Variants in HTRA3 observed in about 807,000 individuals in gnomAD.
The protein encoded by HTRA3 is HtrA serine peptidase 3.
Under a neutral mutation model 43.2 loss-of-function variants are expected in HTRA3, and 41 were observed. The observed-to-expected ratio is 0.95, with a 90% CI of 0.74 to 1.23. HTRA3 has a LOEUF of 1.23. Among genes scored for constraint, HTRA3 ranks in the 50% most tolerant of loss-of-function variants. The pLI, the probability that HTRA3 is intolerant of heterozygous loss-of-function variation, is 0.00. For synonymous variants in HTRA3, 295 were observed against 287.9 expected, an observed-to-expected ratio of 1.02 and a Z score of -0.25; for missense variants, 628 against 647.1, an observed-to-expected ratio of 0.97 and a Z score of 0.32.
rs1712662285 is a variant in HTRA3 at position 8,279,598 on chromosome 4, C to G, written c.386-2839C>G. On this transcript the variant is annotated intron_variant, in intron 1 of 8. Coordinates refer to ENST00000307358, the MANE Select transcript of HTRA3 (RefSeq NM_053044.5). This position sits in a 1 kb window ranked among gnomAD's most constrained non-coding sequence, Gnocchi z 7.4. Reference sequence around the variant, plus strand: ...TTTCCGGCCCTGGGTGTTGGAGTGTCTGAGTCCAGGATGGAGACACACAGG... The same window carrying G: ...TTTCCGGCCCTGGGTGTTGGAGTGTGTGAGTCCAGGATGGAGACACACAGG... Among the ~76,000 whole-genome samples the G allele has an allele frequency of 1.3e-5, 2 of 152,228 alleles. No individual in the cohort carries two copies. The highest frequency in any genetic ancestry group is 4.1e-4 in the South Asian group (2 of 4,820).
Position 8,294,088 on chromosome 4 carries a change from A to G in HTRA3, c.938A>G (p.Asp313Gly). The G allele has an allele frequency of 6.2e-7, 1 of 1,606,204 alleles. No homozygotes were observed. The highest frequency in any genetic ancestry group is 8.5e-7 in the Non-Finnish European group (1 of 1,175,938). ...GNSGGPLVNLDGEVIGINTLK... is the reference protein window; with the variant it reads ...GNSGGPLVNLGGEVIGINTLK... Reference sequence around the variant, plus strand: ...GCCTGCTCTTACCTCCCTGCCCAGGATGGCGAGGTCATTGGCATCAACACG... The same window carrying G: ...GCCTGCTCTTACCTCCCTGCCCAGGGTGGCGAGGTCATTGGCATCAACACG... Residue 313 changes from aspartate (D) to glycine (G), a missense_variant and splice_region_variant, in exon 6 of 9, where the codon GAT (aspartate) becomes GGT (glycine). Transcript: ENST00000307358.
In HTRA3 at chr4:8,279,931, T is replaced by A. The variant is rs1334539815; in HGVS notation, c.386-2506T>A. ...TGAACCACTGTGTCTCCAGCAGCTG[T>A]CACAGGTGGGCACACAGGAGGCACC... On this transcript the variant is annotated intron_variant, in intron 1 of 8. Coordinates refer to ENST00000307358, the MANE Select transcript of HTRA3 (RefSeq NM_053044.5). The surrounding 1 kb of genome is among the most constrained non-coding windows in gnomAD (Gnocchi z 7.4). 6.6e-6 allele frequency among the ~76,000 whole-genome samples: 1 copy of A among 152,146 alleles called. No homozygotes were observed. The highest frequency in any genetic ancestry group is 1.5e-5 in the Non-Finnish European group (1 of 68,024).
chr4:8,299,141 A>G (rs1713555748), intron 6 of HTRA3, among the ~76,000 whole-genome samples: 1 of 152,132 alleles, frequency 6.6e-6, no homozygotes, highest in African/African-American at 2.4e-5. Context: ...CCATTTATTT[A>G]TATCTTCTTT....
In HTRA3 at chr4:8,306,358, C is replaced by T; in HGVS notation, c.*222C>T. ...TGCCGGGGAGGGAAGCCCAACATCC[C>T]CTTGTACAGATGATCCTGAAAGTCA... is the stretch of plus-strand genomic sequence containing the variant. On this transcript the variant is annotated 3_prime_UTR_variant, in exon 9 of 9. Transcript: ENST00000307358. The surrounding 1 kb of genome is among the most constrained non-coding windows in gnomAD (Gnocchi z 8.9). The T allele has an allele frequency of 4.0e-6, 2 of 500,026 alleles. No individual in the cohort carries two copies. The highest frequency in any genetic ancestry group is 3.3e-5 in the East Asian group (1 of 30,104). 31.0% of individuals were successfully genotyped at this position (500,026 alleles called of 1,614,324 possible). A position where few individuals can be genotyped will look rare whatever the true frequency, so the allele number is the denominator to read the frequency against.
chr4:8,294,267 A>C, intron 6 of HTRA3, 66 bp downstream of exon 6: 3 of 1,199,340 alleles, frequency 2.5e-6, no homozygotes, highest in Non-Finnish European at 3.6e-6. Flanking sequence ...GCCCCTTAAC[A>C]CCCCAGCCCT....
Position 8,282,500 on chromosome 4 carries a change from T to C in HTRA3, c.449T>C (p.Ile150Thr). The C allele has an allele frequency of 6.2e-7, 1 of 1,614,104 alleles. No individual in the cohort carries two copies. The highest frequency in any genetic ancestry group is 8.5e-7 in the Non-Finnish European group (1 of 1,179,996). Residue 150 changes from isoleucine to threonine, a missense_variant, in exon 2 of 9, where the codon ATC becomes ACC. Transcript: ENST00000307358. ...TTCATTGCTGACGTGGTGGAGAAGATCGCACCAGCCGTGGTCCACATAGAG... is the reference window on the plus strand; with the variant it reads ...TTCATTGCTGACGTGGTGGAGAAGACCGCACCAGCCGTGGTCCACATAGAG... ...FNFIADVVEK[I>T]APAVVHIELF...
Position 8,282,502 on chromosome 4 carries a change from G to T in HTRA3, c.451G>T (p.Ala151Ser). 1 of 1,614,038 alleles carries T rather than the reference G, an allele frequency of 6.2e-7. No individual in the cohort carries two copies. Among genetic ancestry groups the T allele is most frequent in the Non-Finnish European group, 8.5e-7 (1 of 1,179,964 alleles). Residue 151 changes from alanine (A) to serine (S), a missense_variant, in exon 2 of 9, where the codon GCA becomes TCA. Physicochemically the swap from Ala to Ser is moderately conservative, Grantham distance 99. Coordinates refer to ENST00000307358, the MANE Select transcript of HTRA3 (RefSeq NM_053044.5). ...CATTGCTGACGTGGTGGAGAAGATC[G>T]CACCAGCCGTGGTCCACATAGAGCT... ...NFIADVVEKI[A>S]PAVVHIELFL...
chr4:8,271,439 C>T lies in HTRA3; in HGVS notation c.385+1086C>T, dbSNP rs571633209. 6.0e-4 allele frequency among the ~76,000 whole-genome samples: 91 copies of T among 152,166 alleles called. 1 individual carries two copies. The highest frequency in any genetic ancestry group is 1.1e-3 in the Non-Finnish European group (77 of 68,040). ...TCTTTTCTGGCAGAACACGTGACCT[C>T]CTCCCAGCACGCTGGGGTTCCTGGG... is the stretch of plus-strand genomic sequence containing the variant. On this transcript the variant is annotated intron_variant, in intron 1 of 8. Transcript: ENST00000307358.
Position 8,286,617 on chromosome 4 carries a change from C to A in HTRA3, c.542C>A (p.Ser181Ter). The A allele has an allele frequency of 6.2e-7, 1 of 1,614,198 alleles. No homozygotes were observed. Among genetic ancestry groups the A allele is most frequent in the Middle Eastern group, 1.7e-4 (1 of 6,058 alleles). The change falls in exon 3 of 9, where the codon TCA becomes TAA. Residue 181 changes from serine (S) to a stop codon, truncating the protein, a stop_gained. Transcript: ENST00000307358. LOFTEE classifies it high-confidence loss of function. This position sits in a 1 kb window ranked among gnomAD's most constrained non-coding sequence, Gnocchi z 4.9. The part of the protein sequence containing the change: ...PLSSGSGFIM[S>*]EAGLIITNAH... ...TCCAGCGGTTCTGGCTTCATCATGT[C>A]AGAGGCCGGCCTGATCATCACCAAT... is the stretch of plus-strand genomic sequence containing the variant.
rs1444784690 is a variant in HTRA3 at position 8,301,336 on chromosome 4, ACT to A, written c.1052-1123_1052-1122del. 4.2e-4 allele frequency among the ~76,000 whole-genome samples: 64 copies of A among 151,516 alleles called. 1 individual carries two copies. Among genetic ancestry groups the A allele is most frequent in the South Asian group, 2.5e-3 (12 of 4,806 alleles). On this transcript the variant is annotated intron_variant, in intron 6 of 8. Transcript: ENST00000307358. ...ACACTCATCTTTATTATTGAGTCACACTCTCAGCTTTATTATTGATTCACACT... is the reference window on the plus strand; with the variant it reads ...ACACTCATCTTTATTATTGAGTCACACTCAGCTTTATTATTGATTCACACT...
At position 8,279,834 on chromosome 4, in the gene HTRA3, C is replaced by T. The variant is rs1712673669; in HGVS notation, c.386-2603C>T. Reference sequence around the variant, plus strand: ...CTGCACTCACCCACCCCACGCCGGGCTCCTCTCTGCCTCATCCCTGGTGAT... The same window carrying T: ...CTGCACTCACCCACCCCACGCCGGGTTCCTCTCTGCCTCATCCCTGGTGAT... On this transcript the variant is annotated intron_variant, in intron 1 of 8. Coordinates refer to ENST00000307358, the MANE Select transcript of HTRA3 (RefSeq NM_053044.5). This position sits in a 1 kb window ranked among gnomAD's most constrained non-coding sequence, Gnocchi z 7.4. Among the ~76,000 whole-genome samples, 1 of 152,170 alleles carries T rather than the reference C, an allele frequency of 6.6e-6. No homozygotes were observed. The highest frequency in any genetic ancestry group is 1.5e-5 in the Non-Finnish European group (1 of 68,028).
chr4:8,281,228 C>T (rs879459689), intron 1 of HTRA3, among the ~76,000 whole-genome samples: 1 of 152,222 alleles, frequency 6.6e-6, no homozygotes, highest in Non-Finnish European at 1.5e-5. Flanking sequence ...ATGGTACCTT[C>T]GTGCCTTTGG....
chr4:8,283,829 C>A (rs918658362), intron 2 of HTRA3, among the ~76,000 whole-genome samples: 1 of 152,192 alleles, frequency 6.6e-6, no homozygotes. Flanking sequence ...GCCCTAGGCC[C>A]GGCCCTGGGG....
At chr4:8,288,805 C>G (rs1199660806) in intron 3 of HTRA3, among the ~76,000 whole-genome samples, 3 of 151,788 alleles carry the variant, frequency 2.0e-5, no homozygotes, top group Non-Finnish European at 4.4e-5. Context: ...CTCCTGACCT[C>G]AGGTGATCCC....
chr4:8,300,457 G>A (rs772999940), intron 6 of HTRA3, among the ~76,000 whole-genome samples: 1 of 152,020 alleles, frequency 6.6e-6, no homozygotes, highest in Non-Finnish European at 1.5e-5. Flanking sequence ...AATGAGATTT[G>A]GTGGTTTGGA....
intron 2 of HTRA3, among the ~76,000 whole-genome samples, chr4:8,283,254 A>C (rs911636429): frequency 6.6e-6 from 1 of 152,178 alleles, no homozygotes; most frequent in Non-Finnish European, 1.5e-5. Context: ...GGGAAGCGGG[A>C]TGTCCCAGCC....
intron 2 of HTRA3, among the ~76,000 whole-genome samples, chr4:8,283,316 T>C (rs1415866672): frequency 1.3e-5 from 2 of 152,148 alleles, no homozygotes; most frequent in Admixed American, 1.3e-4. Context: ...GCAAGGCCTC[T>C]CCTTGCAGAT....
chr4:8,276,400 G>A (rs145890643), intron 1 of HTRA3, among the ~76,000 whole-genome samples: 2 of 152,380 alleles, frequency 1.3e-5, no homozygotes, highest in Admixed American at 6.5e-5. Context: ...AGGTGGACGC[G>A]TCTTACAGAA....
Position 8,273,449 on chromosome 4 carries a change from C to T in HTRA3, c.385+3096C>T, listed in dbSNP as rs182740917. Among the ~76,000 whole-genome samples, 227 of 152,250 alleles carry T rather than the reference C, an allele frequency of 1.5e-3. 1 individual carries two copies. Among genetic ancestry groups the T allele is most frequent in the African/African-American group, 5.1e-3 (213 of 41,532 alleles). On this transcript the variant is annotated intron_variant, in intron 1 of 8. Coordinates refer to ENST00000307358, the MANE Select transcript of HTRA3 (RefSeq NM_053044.5). ...GAGGTTCCTTGTGCTCTCCTCTCCC[C>T]TCCCCATGTCAGCTCCTCCGCCTTC...
Sources: allele counts gnomAD v4.1 joint callset (sites outside exome capture counted in the v4.1 genomes callset), GRCh38; gene constraint gnomAD v4.1.1; non-coding constraint Gnocchi (gnomAD v3.1); transcripts MANE v1.5; gene names NCBI Gene and HGNC (gene_info 2026-07-23, HGNC 2026-07-21).